Variants in EGFL6 observed in about 807,000 individuals in gnomAD.
EGFL6 encodes the protein EGF like domain multiple 6, also known as epidermal growth factor-like protein 6.
Under a neutral mutation model 43.1 loss-of-function variants are expected in EGFL6, and 42 were observed. The ratio of observed to expected loss-of-function variants is 0.98; its 90% CI spans 0.76 to 1.26. The LOEUF (loss-of-function observed/expected upper bound fraction) is 1.26, where lower values mean the gene tolerates loss of function less well. EGFL6 is among the 50% of genes most tolerant of loss of function. The pLI is 0.00. For synonymous variants in EGFL6, 164 were observed against 163.2 expected, an observed-to-expected ratio of 1.01 and a Z score of -0.04; for missense variants, 429 against 427.8, an observed-to-expected ratio of 1.00 and a Z score of -0.02.
chrX:13,597,431 A>G (rs747175009), intron 3 of EGFL6, among the ~76,000 whole-genome samples: 2 of 112,142 alleles, frequency 1.8e-5, no homozygotes, highest in Admixed American at 1.9e-4. Context: ...CATAGAGGCC[A>G]GAGCCCTGGA....
chrX:13,599,899 A>T (rs927653484), intron 3 of EGFL6, 76 bp from the exon 4 acceptor site: 1 of 1,102,906 alleles, frequency 9.1e-7, no homozygotes, highest in Non-Finnish European at 1.2e-6. Context: ...CCTTTCCAAG[A>T]CTGGGGTCTA....
At position 13,603,320 on chromosome X, in the gene EGFL6, C is replaced by G; in HGVS notation, c.404C>G (p.Ser135Cys). 1 of 1,205,677 alleles carries G rather than the reference C, an allele frequency of 8.3e-7. No individual in the cohort carries two copies. Among genetic ancestry groups the G allele is most frequent in the Non-Finnish European group, 1.1e-6 (1 of 893,343 alleles). Residue 135 changes from serine to cysteine, a missense_variant, in exon 5 of 12, where the codon TCT becomes TGT. By Grantham distance (112) the Ser-to-Cys change is moderately radical. Coordinates refer to ENST00000361306, the MANE Select transcript of EGFL6 (RefSeq NM_015507.4). ...MLMPDATCVN[S>C]RTCAMINCQY... The stretch of plus-strand genomic sequence containing the variant: ...TAATCCTTGTCTACTTTTTCAGACT[C>G]TAGGACATGTGCCATGATAAACTGT...
intron 8 of EGFL6, among the ~76,000 whole-genome samples, chrX:13,618,788 T>A (rs1241600357): frequency 9.0e-6 from 1 of 110,961 alleles, no homozygotes; most frequent in Admixed American, 9.6e-5. Context: ...AAATGCCAGA[T>A]GGATTTAACC....
At chrX:13,619,758 C>T (rs1395049225) in intron 9 of EGFL6, among the ~76,000 whole-genome samples, 1 of 111,723 alleles carries the variant, frequency 9.0e-6, no homozygotes, top group African/African-American at 3.3e-5. Flanking sequence ...TGGGCTCACT[C>T]ATGTGTCCAC....
rs1380731796 is a variant in EGFL6, at chrX:13,606,377, A to G, written c.521-2A>G. 8.3e-7 allele frequency: 1 copy of G among 1,210,229 alleles called. No individual in the cohort carries two copies. The highest frequency in any genetic ancestry group is 3.0e-5 in the East Asian group (1 of 33,792). Reference sequence around the variant, plus strand: ...TGACACCTTCTGGTTTTTACACCCTAGATATTGATGAATGTGCCTCTGGTA... The same window carrying G: ...TGACACCTTCTGGTTTTTACACCCTGGATATTGATGAATGTGCCTCTGGTA... On this transcript the variant is annotated splice_acceptor_variant, in intron 5 of 11. Transcript: ENST00000361306. LOFTEE classifies it high-confidence loss of function.
Position 13,594,900 on chromosome X carries a change from A to T in EGFL6, c.252A>T (p.Pro84=). Residue 84 remains proline, a synonymous_variant, in exon 3 of 12, where the codon CCA becomes CCT. Coordinates refer to ENST00000361306, the MANE Select transcript of EGFL6 (RefSeq NM_015507.4). ...GACCAAACAAATGCAGATGCTTTCC[A>T]GGATACACCGGGAAAACCTGCAGTC... ...CVGPNKCRCF[P]GYTGKTCSQD... 1.7e-6 allele frequency: 2 copies of T among 1,210,003 alleles called. No individual in the cohort carries two copies. The highest frequency in any genetic ancestry group is 3.5e-5 in the South Asian group (2 of 56,670).
chrX:13,609,759 A>G (rs1377335067), intron 7 of EGFL6, among the ~76,000 whole-genome samples: 1 of 111,366 alleles, frequency 9.0e-6, no homozygotes, highest in Non-Finnish European at 1.9e-5. Flanking sequence ...ATCTCAAAAA[A>G]TTAAAAAATA....
chrX:13,592,937 CAG>C (rs2045573591), intron 2 of EGFL6, among the ~76,000 whole-genome samples: 1 of 83,379 alleles, frequency 1.2e-5, no homozygotes, highest in Non-Finnish European at 2.2e-5. Flanking sequence ...TTTTTTTTGA[CAG>C]AGTCTTGCTT....
intron 1 of EGFL6, among the ~76,000 whole-genome samples, chrX:13,582,442 G>A (rs944237651): frequency 4.5e-5 from 5 of 110,908 alleles, no homozygotes; most frequent in African/African-American, 9.9e-5. Context: ...TATATCTTTC[G>A]ACAGAACTAT....
At chrX:13,616,980 C>G (rs1490142759) in intron 7 of EGFL6, among the ~76,000 whole-genome samples, 1 of 110,402 alleles carries the variant, frequency 9.1e-6, no homozygotes, top group African/African-American at 3.3e-5. Context: ...CGCCATTCTC[C>G]TGCCTCAGCC....
intron 9 of EGFL6, among the ~76,000 whole-genome samples, chrX:13,619,661 C>T (rs1463101031): frequency 2.7e-5 from 3 of 112,090 alleles, no homozygotes; most frequent in Non-Finnish European, 5.6e-5. Flanking sequence ...ACCACAAGCC[C>T]TCAGTGGCCT....
intron 1 of EGFL6, among the ~76,000 whole-genome samples, chrX:13,570,730 T>C (rs1398719074): frequency 2.7e-5 from 3 of 111,780 alleles, no homozygotes; most frequent in Non-Finnish European, 5.6e-5. Flanking sequence ...AAGGTACTAT[T>C]ATCATCATCT....
chrX:13,632,297 G>GTTT (rs1158372735), intron 11 of EGFL6, among the ~76,000 whole-genome samples: 52 of 81,131 alleles, frequency 6.4e-4, no homozygotes, highest in Non-Finnish European at 8.5e-4. Flanking sequence ...TTGTTTTTTG[G>GTTT]TTTTTTTTTT....
intron 3 of EGFL6, among the ~76,000 whole-genome samples, chrX:13,598,556 TAA>T (rs2045612850): frequency 1.2e-5 from 1 of 85,176 alleles, no homozygotes; most frequent in African/African-American, 4.1e-5. Flanking sequence ...TACTTATTCT[TAA>T]GTTGTTGTTG....
At chrX:13,588,149 A>G (rs1315950566) in intron 1 of EGFL6, among the ~76,000 whole-genome samples, 6 of 112,614 alleles carry the variant, frequency 5.3e-5, no homozygotes, top group African/African-American at 1.9e-4. Context: ...AAAAAATGAA[A>G]AAAAGTTCTC....
At chrX:13,624,558 C>T (rs937946781) in intron 10 of EGFL6, among the ~76,000 whole-genome samples, 31 of 111,500 alleles carry the variant, frequency 2.8e-4, no homozygotes, top group African/African-American at 6.8e-4. Flanking sequence ...ACACTATTGA[C>T]GGACCCTAAC....
rs759918960 is a variant in EGFL6 at position 13,617,324 on chromosome X, G to A, written c.779-406G>A. 4.5e-5 allele frequency among the ~76,000 whole-genome samples: 5 copies of A among 112,005 alleles called. No individual in the cohort carries two copies. In the South Asian group the frequency reaches 1.5e-3, roughly 33 times the overall value. ...AATTTATATGGTTCAACCTAATGCT[G>A]TAGCTGTAATTTTTGAATATCAAAT... On this transcript the variant is annotated intron_variant, in intron 7 of 11. Coordinates refer to ENST00000361306, the MANE Select transcript of EGFL6 (RefSeq NM_015507.4).
Position 13,595,000 on chromosome X carries a change from G to C in EGFL6, c.280+72G>C, listed in dbSNP as rs187665610. On this transcript the variant is annotated intron_variant, in intron 3 of 11. Transcript: ENST00000361306. ...CAGGGCTGGCGACTCAATATGGTACGCAGGATTTCTTAGGGTTTTTTTAAA... is the reference window on the plus strand; with the variant it reads ...CAGGGCTGGCGACTCAATATGGTACCCAGGATTTCTTAGGGTTTTTTTAAA... 1.2e-4 allele frequency: 98 copies of C among 796,185 alleles called. No individual in the cohort carries two copies. In the Middle Eastern group the frequency reaches 1.8e-3, roughly 14 times the overall value. The allele number at this position is 796,185 out of a possible 1,213,427, so 65.6% of individuals were successfully genotyped here.
intron 9 of EGFL6, 43 bp downstream of exon 9, chrX:13,619,286 C>T (rs755664274): frequency 9.1e-7 from 1 of 1,094,421 alleles, no homozygotes; most frequent in East Asian, 3.0e-5. Flanking sequence ...TTCATGTTGT[C>T]CTGGTCGTTT....
Sources: allele counts gnomAD v4.1 joint callset (sites outside exome capture counted in the v4.1 genomes callset), GRCh38; gene constraint gnomAD v4.1.1; transcripts MANE v1.5; gene names NCBI Gene and HGNC (gene_info 2026-07-23, HGNC 2026-07-21).